The following UTRN variants were observed in gnomAD, a reference collection of about 807,000 sequenced individuals.
The protein encoded by UTRN is dystrophin-related protein 1.
Under a neutral mutation model 463.9 loss-of-function variants are expected in UTRN, and 283 were observed. The ratio of observed to expected loss-of-function variants is 0.61; its 90% confidence interval spans 0.55 to 0.67. UTRN has a LOEUF of 0.67. Ranked by LOEUF, UTRN falls within the 30% of genes least tolerant of loss-of-function variation. The pLI is 0.00. For synonymous variants in UTRN, 1,442 were observed against 1,431.5 expected, an observed-to-expected ratio of 1.01 and a Z score of -0.17; for missense variants, 3,922 against 4,084.3, an observed-to-expected ratio of 0.96 and a Z score of 1.08.
intron 14 of UTRN, among the ~76,000 whole-genome samples, chr6:144,445,323 C>G (rs1183850586): frequency 7.2e-6 from 1 of 138,432 alleles, no homozygotes; most frequent in East Asian, 2.3e-4. Flanking sequence ...TGCACTCCAG[C>G]CTGGGAGACA....
intron 53 of UTRN, among the ~76,000 whole-genome samples, chr6:144,723,062 A>G (rs977925608): frequency 3.3e-5 from 5 of 152,218 alleles, no homozygotes; most frequent in African/African-American, 1.2e-4. Flanking sequence ...ACCATGCCCT[A>G]AGGGGTTACC....
chr6:144,313,162 G>A (rs1271194916), intron 2 of UTRN, among the ~76,000 whole-genome samples: 1 of 152,154 alleles, frequency 6.6e-6, no homozygotes, highest in Non-Finnish European at 1.5e-5. Flanking sequence ...CAAGGAAAGA[G>A]AAAAGAGAAG....
intron 58 of UTRN, among the ~76,000 whole-genome samples, chr6:144,758,481 G>A (rs1292393510): frequency 2.0e-5 from 3 of 152,006 alleles, no homozygotes; most frequent in Non-Finnish European, 4.4e-5. Flanking sequence ...GATTTATCAT[G>A]AAAAAGTGAA....
At chr6:144,391,591 G>A (rs750400383) in intron 2 of UTRN, among the ~76,000 whole-genome samples, 2 of 152,116 alleles carry the variant, frequency 1.3e-5, no homozygotes, top group Non-Finnish European at 2.9e-5. Context: ...AAGTAGGCTC[G>A]AAAAACAGTT....
At chr6:144,441,938 T>A (rs1787212054) in intron 13 of UTRN, among the ~76,000 whole-genome samples, 1 of 152,170 alleles carries the variant, frequency 6.6e-6, no homozygotes, top group Non-Finnish European at 1.5e-5. Context: ...TAGTCATGGC[T>A]GGAGCAGCTG....
At chr6:144,568,987 C>T (rs998708052) in intron 50 of UTRN, among the ~76,000 whole-genome samples, 2 of 152,026 alleles carry the variant, frequency 1.3e-5, no homozygotes, top group Non-Finnish European at 2.9e-5. Flanking sequence ...AGTATGAATA[C>T]GTGTTCCTGA....
intron 2 of UTRN, among the ~76,000 whole-genome samples, chr6:144,310,005 C>G (rs747725812): frequency 2.0e-5 from 3 of 152,202 alleles, no homozygotes; most frequent in Non-Finnish European, 4.4e-5. Flanking sequence ...CTCATTAGCC[C>G]TCTCCACCCA....
intron 51 of UTRN, among the ~76,000 whole-genome samples, chr6:144,578,390 A>G (rs890421667): frequency 6.6e-6 from 1 of 152,108 alleles, no homozygotes; most frequent in African/African-American, 2.4e-5. Context: ...GCTGGAGTGT[A>G]GTGGTGCAAT....
chr6:144,290,137 A>G (rs1234758732), intron 1 of UTRN, among the ~76,000 whole-genome samples: 1 of 152,210 alleles, frequency 6.6e-6, no homozygotes, highest in Non-Finnish European at 1.5e-5. Flanking sequence ...ATTTCACCAC[A>G]TGTCTCTTAC....
intron 51 of UTRN, among the ~76,000 whole-genome samples, chr6:144,589,632 A>G (rs1452610999): frequency 8.5e-5 from 13 of 152,148 alleles, no homozygotes; most frequent in Non-Finnish European, 1.5e-5. Flanking sequence ...AGTAATAGAT[A>G]TTGTTTTGTT....
At chr6:144,680,188 G>C (rs1435340975) in intron 52 of UTRN, among the ~76,000 whole-genome samples, 1 of 152,132 alleles carries the variant, frequency 6.6e-6, no homozygotes, top group Non-Finnish European at 1.5e-5. Flanking sequence ...ATGGTGCTGG[G>C]ATTTTCAGAG....
chr6:144,397,009 G>T (rs929152522), intron 2 of UTRN, among the ~76,000 whole-genome samples: 1 of 152,138 alleles, frequency 6.6e-6, no homozygotes. Context: ...ACTTTGAGAG[G>T]CCAAGGTGGG....
intron 51 of UTRN, among the ~76,000 whole-genome samples, chr6:144,637,490 A>G (rs781689139): frequency 3.9e-5 from 6 of 152,054 alleles, no homozygotes; most frequent in East Asian, 1.9e-4. Context: ...AAGAGCAACT[A>G]TAGTAGTAGA....
At position 144,405,177 on chromosome 6, in the gene UTRN, T is replaced by A. The variant is rs1229678368; in HGVS notation, c.141+1993T>A. ...TGGAGAAAAACTACCAAACGTGGGA[T>A]GACTCTGAAAACTTTTATTTTCATC... On this transcript the variant is annotated intron_variant, in intron 3 of 74. Transcript: ENST00000367545. Among the ~76,000 whole-genome samples the A allele has an allele frequency of 3.3e-5, 5 of 152,238 alleles. No individual in the cohort carries two copies. The East Asian group carries it at 9.6e-4, about 29-fold the overall frequency.
intron 2 of UTRN, among the ~76,000 whole-genome samples, chr6:144,360,113 C>A (rs1205981445): frequency 1.0e-5 from 1 of 99,180 alleles, no homozygotes; most frequent in Non-Finnish European, 1.9e-5. Context: ...TCCCCTCCCC[C>A]CTTCCTTCCT....
intron 51 of UTRN, among the ~76,000 whole-genome samples, chr6:144,661,208 A>G (rs1779831938): frequency 6.6e-6 from 1 of 152,210 alleles, no homozygotes; most frequent in African/African-American, 2.4e-5. Context: ...TTGAGTCATT[A>G]AAAGAATAAT....
intron 15 of UTRN, 81 bp from the exon 16 acceptor site, chr6:144,447,521 C>G: frequency 6.7e-7 from 1 of 1,502,372 alleles, no homozygotes; most frequent in Middle Eastern, 1.7e-4. Context: ...ATAAAAGATA[C>G]ATGTTTAAAA....
intron 51 of UTRN, among the ~76,000 whole-genome samples, chr6:144,639,206 C>T (rs952709322): frequency 6.6e-6 from 1 of 152,180 alleles, no homozygotes; most frequent in East Asian, 1.9e-4. Context: ...ATAATTTTAT[C>T]TTCCTGTCCC....
chr6:144,566,181 C>T (rs975524061), intron 50 of UTRN, among the ~76,000 whole-genome samples: 11 of 152,132 alleles, frequency 7.2e-5, no homozygotes, highest in African/African-American at 2.7e-4. Flanking sequence ...ATGAAAGGTT[C>T]TCCATGCAAG....
Sources: gnomAD v4.1 joint callset for allele counts (sites outside exome capture counted in the v4.1 genomes callset) on GRCh38, gnomAD v4.1.1 for gene constraint, MANE v1.5 for transcripts, NCBI Gene and HGNC (gene_info 2026-07-23, HGNC 2026-07-21) for gene names.